Variants in CECR2 observed in about 807,000 individuals in gnomAD.
CECR2 encodes the protein CECR2 histone acetyl-lysine reader.
Under a neutral mutation model 154.5 loss-of-function variants are expected in CECR2, and 30 were observed. That is an observed-to-expected ratio of 0.19 (90% CI 0.15 to 0.26). CECR2 has a LOEUF of 0.26. Ranked by LOEUF, CECR2 falls within the 10% of genes least tolerant of loss-of-function variation. The probability of loss-of-function intolerance (pLI) is 1.00; values close to 1 mark genes in which losing one functional copy is unlikely to be tolerated. For synonymous variants in CECR2, 725 were observed against 683.7 expected (o/e 1.06, Z -0.94); for missense variants, 1,743 against 1,829.3 (o/e 0.95, Z 0.86).
chr22:17,367,666 C>G (rs932858719), upstream of CECR2, among the ~76,000 whole-genome samples: 3 of 151,600 alleles, frequency 2.0e-5, no homozygotes, highest in African/African-American at 7.3e-5. Flanking sequence ...GGATTACAGG[C>G]GTAAGCCACC....
chr22:17,368,511 G>C (rs2063016110), upstream of CECR2, among the ~76,000 whole-genome samples: 1 of 151,936 alleles, frequency 6.6e-6, no homozygotes, highest in Non-Finnish European at 1.5e-5. Flanking sequence ...TTTTTCTTAG[G>C]ATTTAGCAGT....
intron 9 of CECR2, among the ~76,000 whole-genome samples, chr22:17,533,202 G>C (rs73159562): frequency 1.3e-5 from 2 of 151,506 alleles, no homozygotes; most frequent in Non-Finnish European, 2.9e-5. Flanking sequence ...TGTAATCCCA[G>C]CTAGCTACTT....
intron 1 of CECR2, among the ~76,000 whole-genome samples, chr22:17,389,173 A>G (rs1043399225): frequency 6.6e-6 from 1 of 152,172 alleles, no homozygotes; most frequent in Non-Finnish European, 1.5e-5. Context: ...GCTGGTACAC[A>G]GAATTCCTAA....
At chr22:17,392,117 A>G (rs2063332354) in intron 1 of CECR2, among the ~76,000 whole-genome samples, 1 of 152,152 alleles carries the variant, frequency 6.6e-6, no homozygotes. Flanking sequence ...GCCGAATACA[A>G]ATGTTTTTTG....
intron 1 of CECR2, among the ~76,000 whole-genome samples, chr22:17,466,074 C>G (rs533519003): frequency 6.6e-6 from 1 of 152,046 alleles, no homozygotes; most frequent in Non-Finnish European, 1.5e-5. Context: ...CAGGCTGGAG[C>G]GCAGTGGTAT....
At chr22:17,364,229 G>A (rs1252213003) in intron 1 of CECR2, among the ~76,000 whole-genome samples, 1 of 151,386 alleles carries the variant, frequency 6.6e-6, no homozygotes, top group East Asian at 2.0e-4. Context: ...TGTAGTCCCA[G>A]CTACTCCGGA....
chr22:17,364,868 T>G (rs1434975764), upstream of CECR2, among the ~76,000 whole-genome samples: 8 of 150,998 alleles, frequency 5.3e-5, no homozygotes, highest in Non-Finnish European at 1.2e-4. Flanking sequence ...AAACAAAAAA[T>G]AAGAAGAAGA....
intron 1 of CECR2, among the ~76,000 whole-genome samples, chr22:17,407,489 G>C (rs1188061269): frequency 6.6e-6 from 1 of 152,078 alleles, no homozygotes; most frequent in African/African-American, 2.4e-5. Flanking sequence ...CAGCTACTGG[G>C]GAGGCTGAGG....
chr22:17,453,793 T>G (rs2054809927), intron 1 of CECR2, among the ~76,000 whole-genome samples: 1 of 152,204 alleles, frequency 6.6e-6, no homozygotes, highest in African/African-American at 2.4e-5. Flanking sequence ...ATGTAAGAGT[T>G]GTGTCTGGGC....
intron 9 of CECR2, among the ~76,000 whole-genome samples, chr22:17,535,292 TG>T (rs1370308704): frequency 1.3e-5 from 2 of 151,826 alleles, no homozygotes; most frequent in Non-Finnish European, 2.9e-5. Flanking sequence ...CACTTTAGCC[TG>T]GGCAACAGAG....
In CECR2 at chr22:17,554,952, CACT is replaced by C. The variant is rs1190937699; in HGVS notation, c.*2113_*2115del. On this transcript the variant is annotated 3_prime_UTR_variant, in exon 19 of 19. Transcript: ENST00000262608. ...CTGGTCTAGGCCCAGAGAATTTGGC[CACT>C]GACAGCCTTTCTCTTTTCCTGGTAA... 6.6e-6 allele frequency: 1 copy of C among 152,256 alleles called. No individual in the cohort carries two copies. Among genetic ancestry groups the C allele is most frequent in the Non-Finnish European group, 1.5e-5 (1 of 68,062 alleles). 9.4% of individuals were successfully genotyped at this position (152,256 alleles called of 1,614,324 possible).
chr22:17,505,033 G>A lies in CECR2; in HGVS notation c.870+17G>A, dbSNP rs73389138. 1.2e-3 allele frequency: 1,987 copies of A among 1,610,888 alleles called. 23 individuals carry two copies. In the African/African-American group the frequency reaches 0.021, roughly 17 times the overall value. ...GCCCAGAAGGTGCGCCACACTCTCT[G>A]CTCTGTCCTCCTCAGTGTTAGGCCT... On this transcript the variant is annotated intron_variant, in intron 7 of 18. Transcript: ENST00000262608.
chr22:17,384,776 G>A (rs2063239602), intron 1 of CECR2, among the ~76,000 whole-genome samples: 1 of 152,212 alleles, frequency 6.6e-6, no homozygotes, highest in Admixed American at 6.5e-5. Flanking sequence ...GAATCAGCCT[G>A]TCCTTTGAAG....
chr22:17,511,090 G>A (rs2055941948), intron 7 of CECR2, among the ~76,000 whole-genome samples: 3 of 152,336 alleles, frequency 2.0e-5, no homozygotes, highest in East Asian at 3.9e-4. Flanking sequence ...AGTCACGGAA[G>A]TTATGTTATC....
At chr22:17,434,320 A>G (rs1165097371) in intron 1 of CECR2, among the ~76,000 whole-genome samples, 1 of 152,222 alleles carries the variant, frequency 6.6e-6, no homozygotes, top group Non-Finnish European at 1.5e-5. Flanking sequence ...GTCCAGACCC[A>G]TCCTTCTAGG....
At chr22:17,433,278 T>A (rs762170565) in intron 1 of CECR2, among the ~76,000 whole-genome samples, 1 of 151,878 alleles carries the variant, frequency 6.6e-6, no homozygotes, top group African/African-American at 2.4e-5. Context: ...AAAGGAATGC[T>A]GTTAATATAA....
rs1361736318 is a variant in CECR2 at position 17,555,206 on chromosome 22, C to G, written c.*2366C>G. ...CAGTGACCGCCCCAATCAGCTGTTG[C>G]TAGAGCGATGCTGTGAACGATACAG... On this transcript the variant is annotated 3_prime_UTR_variant, in exon 19 of 19. Coordinates refer to ENST00000262608, the MANE Select transcript of CECR2 (RefSeq NM_001290047.2). 6.6e-6 allele frequency: 1 copy of G among 152,280 alleles called. No individual in the cohort carries two copies. Among genetic ancestry groups the G allele is most frequent in the Non-Finnish European group, 1.5e-5 (1 of 68,096 alleles). The allele number at this position is 152,280 out of a possible 1,614,324, so 9.4% of individuals were successfully genotyped here.
At chr22:17,496,007 A>G (rs2055621591) in intron 2 of CECR2, among the ~76,000 whole-genome samples, 1 of 152,078 alleles carries the variant, frequency 6.6e-6, no homozygotes, top group Non-Finnish European at 1.5e-5. Flanking sequence ...GAGACCCCAT[A>G]TGGGAAAAAA....
At position 17,542,894 on chromosome 22, in the gene CECR2, G is replaced by A. The variant is rs772645934; in HGVS notation, c.2751G>A (p.Pro917=). 2.0e-5 allele frequency: 32 copies of A among 1,613,608 alleles called. No individual in the cohort carries two copies. Among genetic ancestry groups the A allele is most frequent in the South Asian group, 5.5e-5 (5 of 91,066 alleles). Residue 917 remains proline (P), a synonymous_variant, in exon 16 of 19, where the codon CCG becomes CCA. Transcript: ENST00000262608. ...PAHPRLPGPF[P]QVAHPMSVTV... ...ACCCCCGTTTACCTGGCCCTTTTCC[G>A]CAGGTAGCTCACCCAATGTCAGTCA... is the stretch of plus-strand genomic sequence containing the variant.
Sources: gnomAD v4.1 joint callset for allele counts (sites outside exome capture counted in the v4.1 genomes callset) on GRCh38, gnomAD v4.1.1 for gene constraint, MANE v1.5 for transcripts, NCBI Gene and HGNC (gene_info 2026-07-23, HGNC 2026-07-21) for gene names.